Variants in HIGD1C observed in about 807,000 individuals in gnomAD.
HIGD1C encodes the protein HIG1 hypoxia inducible domain family member 1C.
HIGD1C carries 11 observed loss-of-function variants against 13.1 expected under a neutral mutation model. The ratio of observed to expected loss-of-function variants is 0.84; its 90% CI spans 0.53 to 1.39. The LOEUF is 1.39. HIGD1C is among the 40% of genes most tolerant of loss of function. The pLI, the probability that HIGD1C is intolerant of heterozygous loss-of-function variation, is 0.00. For missense variants in HIGD1C, 110 were observed against 112.0 expected (o/e 0.98, Z 0.08); for synonymous variants, 36 against 37.7 (o/e 0.95, Z 0.17).
At chr12:50,965,257 G>A (rs1370394258) in intron 2 of HIGD1C, among the ~76,000 whole-genome samples, 18 of 151,090 alleles carry the variant, frequency 1.2e-4, no homozygotes, top group Admixed American at 9.9e-4. Context: ...GGGACTACAC[G>A]TGTGCACCAC....
chr12:50,945,044 T>A, the HIGD1C span, among the ~76,000 whole-genome samples: 3 of 152,144 alleles, frequency 2.0e-5, no homozygotes, highest in African/African-American at 4.8e-5. Flanking sequence ...CAGCCCATCA[T>A]GCTAAAAACT....
At chr12:50,953,784 T>C (rs1342381063), upstream of HIGD1C, 7 of 503,936 alleles carry the variant, frequency 1.4e-5, no homozygotes, top group Admixed American at 3.4e-5. Context: ...ATTTCCTCTA[T>C]GTATTTTTTT....
chr12:50,962,433 C>G (rs1453838392), intron 2 of HIGD1C, among the ~76,000 whole-genome samples: 1 of 151,482 alleles, frequency 6.6e-6, no homozygotes, highest in Non-Finnish European at 1.5e-5. Context: ...GGCACGGTGG[C>G]TCATGCCTGT....
intron 1 of HIGD1C, among the ~76,000 whole-genome samples, chr12:50,955,217 C>T (rs985104459): frequency 2.6e-5 from 4 of 152,004 alleles, no homozygotes; most frequent in African/African-American, 4.8e-5. Context: ...CACTTGAACC[C>T]GGGAGGTAGA....
the HIGD1C span, among the ~76,000 whole-genome samples, chr12:50,937,309 T>C: frequency 6.6e-6 from 1 of 152,210 alleles, no homozygotes; most frequent in Non-Finnish European, 1.5e-5. Context: ...GGATCTGTAC[T>C]CAGCCTGCAG....
the HIGD1C span, among the ~76,000 whole-genome samples, chr12:50,944,840 T>C: frequency 3.9e-5 from 6 of 152,076 alleles, no homozygotes; most frequent in Non-Finnish European, 7.4e-5. Context: ...TGAGTCGAGA[T>C]TGCCCCACTG....
chr12:50,945,508 GA>G, the HIGD1C span, among the ~76,000 whole-genome samples: 1 of 152,072 alleles, frequency 6.6e-6, no homozygotes, highest in Non-Finnish European at 1.5e-5. Flanking sequence ...AAATACCTAG[GA>G]ATCCAACTTA....
the HIGD1C span, among the ~76,000 whole-genome samples, chr12:50,934,621 C>T: frequency 6.8e-4 from 104 of 152,260 alleles, no homozygotes; most frequent in Middle Eastern, 0.02. Flanking sequence ...TGTAATCTGA[C>T]CTATCCAAGA....
At chr12:50,963,886 A>G (rs1185094248) in intron 2 of HIGD1C, among the ~76,000 whole-genome samples, 1 of 152,204 alleles carries the variant, frequency 6.6e-6, no homozygotes, top group Non-Finnish European at 1.5e-5. Context: ...CTTGACATCC[A>G]TATATACCTC....
At chr12:50,932,745 G>T in the HIGD1C span, among the ~76,000 whole-genome samples, 54 of 152,278 alleles carry the variant, frequency 3.5e-4, no homozygotes, top group African/African-American at 1.3e-3. Context: ...AAGCAAAAAA[G>T]TTCAAGTCTA....
chr12:50,960,882 G>A (rs1939299326), intron 1 of HIGD1C, 86 bp from the exon 4 acceptor site: 1 of 1,158,298 alleles, frequency 8.6e-7, no homozygotes, highest in Non-Finnish European at 1.2e-6. Flanking sequence ...GTCTTGCTAT[G>A]TTGCCCAGGC....
chr12:50,941,949 T>C, the HIGD1C span, among the ~76,000 whole-genome samples: 4 of 152,216 alleles, frequency 2.6e-5, no homozygotes, highest in African/African-American at 9.6e-5. Context: ...AGTGCAGTGG[T>C]GCAATCTCGG....
At chr12:50,936,645 GTCTCTTC>G in the HIGD1C span, among the ~76,000 whole-genome samples, 3 of 152,192 alleles carry the variant, frequency 2.0e-5, no homozygotes, top group Admixed American at 2.0e-4. Context: ...CTCCATATTT[GTCTCTTC>G]TCTCCTCCAC....
downstream of HIGD1C, among the ~76,000 whole-genome samples, chr12:50,971,983 A>G (rs1415139578): frequency 1.3e-5 from 2 of 152,380 alleles, no homozygotes; most frequent in East Asian, 3.9e-4. Context: ...TAGTGCTACC[A>G]ACAAGTACAT....
chr12:50,953,053 A>C (rs2139779433), upstream of HIGD1C, among the ~76,000 whole-genome samples: 1 of 152,214 alleles, frequency 6.6e-6, no homozygotes, highest in South Asian at 2.1e-4. Context: ...GCTACTGGTG[A>C]GTTTCTAGCA....
At chr12:50,961,955 T>C (rs970052187) in intron 2 of HIGD1C, among the ~76,000 whole-genome samples, 1 of 152,164 alleles carries the variant, frequency 6.6e-6, no homozygotes, top group Non-Finnish European at 1.5e-5. Flanking sequence ...TCAGCAAACA[T>C]TGATTGAATG....
chr12:50,966,894 T>A (rs561035271), intron 2 of HIGD1C, among the ~76,000 whole-genome samples: 2 of 152,216 alleles, frequency 1.3e-5, no homozygotes, highest in South Asian at 2.1e-4. Context: ...GGTGGGTAGA[T>A]CATTTGAGGT....
At chr12:50,970,446 T>C in exon 3 of HIGD1C, 1 of 1,472,886 alleles carries the variant, frequency 6.8e-7, no homozygotes, top group Non-Finnish European at 9.3e-7. Context: ...TTCTAGGTGT[T>C]CTCTATTCTA....
At chr12:50,939,083 C>T in the HIGD1C span, among the ~76,000 whole-genome samples, 1 of 152,178 alleles carries the variant, frequency 6.6e-6, no homozygotes, top group Non-Finnish European at 1.5e-5. Flanking sequence ...TACCTCCACA[C>T]CTTCACTCCT....
Sources: allele counts gnomAD v4.1 joint callset (sites outside exome capture counted in the v4.1 genomes callset), GRCh38; gene constraint gnomAD v4.1.1; transcripts MANE v1.5; gene names NCBI Gene and HGNC (gene_info 2026-07-23, HGNC 2026-07-21).